ARHGAP15: variants seen among roughly 807,000 people sequenced by gnomAD.
The protein encoded by ARHGAP15 is rho GTPase-activating protein 15.
ARHGAP15 carries 51 observed loss-of-function variants against 63.7 expected under a neutral mutation model. The observed-to-expected ratio is 0.80, with a 90% CI of 0.64 to 1.01. The LOEUF (loss-of-function observed/expected upper bound fraction) is 1.01. Ranked by LOEUF, ARHGAP15 falls within the 50% of genes least tolerant of loss-of-function variation. ARHGAP15 has a pLI of 0.00. For missense variants in ARHGAP15, 560 were observed against 564.6 expected (o/e 0.99, Z 0.08); for synonymous variants, 191 against 193.8 (o/e 0.99, Z 0.12).
intron 6 of ARHGAP15, among the ~76,000 whole-genome samples, chr2:143,351,793 C>T (rs1364482837): frequency 3.3e-5 from 5 of 151,988 alleles, no homozygotes; most frequent in Admixed American, 6.6e-5. Context: ...TACTCTGGTA[C>T]CCTGGAGCTT....
chr2:143,408,530 T>A (rs1328965408), intron 6 of ARHGAP15, among the ~76,000 whole-genome samples: 5 of 151,762 alleles, frequency 3.3e-5, no homozygotes, highest in African/African-American at 1.2e-4. Flanking sequence ...TTTCCTAACA[T>A]CTGCTGTCTT....
intron 6 of ARHGAP15, among the ~76,000 whole-genome samples, chr2:143,410,910 A>G (rs775841438): frequency 6.6e-6 from 1 of 152,072 alleles, no homozygotes; most frequent in Non-Finnish European, 1.5e-5. Context: ...AAAAAACGAA[A>G]ATATCGTAGG....
chr2:143,405,192 A>C (rs1688147462), intron 6 of ARHGAP15, among the ~76,000 whole-genome samples: 1 of 151,922 alleles, frequency 6.6e-6, no homozygotes, highest in Non-Finnish European at 1.5e-5. Flanking sequence ...CATTTTATGA[A>C]GTATATTAAG....
At chr2:143,486,510 T>C (rs1014879357) in intron 8 of ARHGAP15, among the ~76,000 whole-genome samples, 4 of 151,604 alleles carry the variant, frequency 2.6e-5, no homozygotes, top group African/African-American at 9.7e-5. Context: ...GAGGCTGCAG[T>C]GAGCTATGAT....
intron 5 of ARHGAP15, among the ~76,000 whole-genome samples, chr2:143,246,189 C>T (rs1171924203): frequency 5.9e-5 from 9 of 151,766 alleles, no homozygotes; most frequent in Non-Finnish European, 8.8e-5. Context: ...AGCACTTGGC[C>T]GCTCTCTGCT....
intron 3 of ARHGAP15, among the ~76,000 whole-genome samples, chr2:143,205,375 A>G (rs532295361): frequency 4.0e-4 from 61 of 152,142 alleles, no homozygotes; most frequent in African/African-American, 1.3e-3. Context: ...ACCAGATGGC[A>G]TACTACAGCA....
chr2:143,412,495 C>A (rs1688490069), intron 6 of ARHGAP15, among the ~76,000 whole-genome samples: 1 of 152,116 alleles, frequency 6.6e-6, no homozygotes, highest in Non-Finnish European at 1.5e-5. Context: ...TGAGTGCTAT[C>A]TTTTCACAGG....
chr2:143,538,565 A>AT (rs1694887636), intron 10 of ARHGAP15, among the ~76,000 whole-genome samples: 1 of 152,152 alleles, frequency 6.6e-6, no homozygotes, highest in African/African-American at 2.4e-5. Flanking sequence ...TCAATACCTA[A>AT]TTTATTGAGA....
chr2:143,266,158 G>C (rs1680981792), intron 6 of ARHGAP15, among the ~76,000 whole-genome samples: 1 of 152,068 alleles, frequency 6.6e-6, no homozygotes, highest in African/African-American at 2.4e-5. Flanking sequence ...TTAGGAAACT[G>C]AATAACAGTC....
At chr2:143,704,707 G>C (rs1430695770) in intron 13 of ARHGAP15, among the ~76,000 whole-genome samples, 1 of 152,182 alleles carries the variant, frequency 6.6e-6, no homozygotes, top group Non-Finnish European at 1.5e-5. Flanking sequence ...TAAAATTGAA[G>C]CCTGACAGAG....
chr2:143,683,019 ATTTC>A (rs912025512), intron 12 of ARHGAP15: 7 of 152,286 alleles, frequency 4.6e-5, no homozygotes, highest in Middle Eastern at 3.4e-3. Context: ...TTAAAAAAAG[ATTTC>A]TTTAAGAAGA....
chr2:143,336,032 A>G (rs953033807), intron 6 of ARHGAP15, among the ~76,000 whole-genome samples: 1 of 152,030 alleles, frequency 6.6e-6, no homozygotes, highest in Admixed American at 6.6e-5. Flanking sequence ...CACGGTTCTC[A>G]CCATGTCACC....
chr2:143,706,394 A>C (rs1355511886), intron 13 of ARHGAP15: 1 of 152,184 alleles, frequency 6.6e-6, no homozygotes, highest in East Asian at 1.9e-4. Context: ...AAATTGTTGC[A>C]AATATATATA....
intron 2 of ARHGAP15, among the ~76,000 whole-genome samples, chr2:143,179,577 C>T (rs1035348001): frequency 6.6e-6 from 1 of 152,070 alleles, no homozygotes; most frequent in African/African-American, 2.4e-5. Flanking sequence ...ATTAAGAGAG[C>T]AATATCATTT....
intron 2 of ARHGAP15, among the ~76,000 whole-genome samples, chr2:143,186,845 G>A (rs1399889802): frequency 1.3e-5 from 2 of 152,182 alleles, no homozygotes; most frequent in East Asian, 3.8e-4. Context: ...TTCAGAATTG[G>A]ACTCCCTCTT....
At chr2:143,550,150 T>C (rs1322868392) in intron 10 of ARHGAP15, among the ~76,000 whole-genome samples, 2 of 152,212 alleles carry the variant, frequency 1.3e-5, no homozygotes, top group East Asian at 1.9e-4. Context: ...GAGAAATTTT[T>C]TTTTAATCCA....
At chr2:143,747,370 C>T (rs183139103) in intron 13 of ARHGAP15, among the ~76,000 whole-genome samples, 3 of 152,204 alleles carry the variant, frequency 2.0e-5, no homozygotes, top group African/African-American at 7.2e-5. Context: ...AACTTATGAG[C>T]CAATATTGAG....
chr2:143,366,369 G>A (rs1686292888), intron 6 of ARHGAP15, among the ~76,000 whole-genome samples: 1 of 152,034 alleles, frequency 6.6e-6, no homozygotes, highest in Non-Finnish European at 1.5e-5. Flanking sequence ...GCTATGGACA[G>A]CTAGATATTA....
At chr2:143,416,108 C>A (rs1221881742) in intron 6 of ARHGAP15, among the ~76,000 whole-genome samples, 1 of 151,176 alleles carries the variant, frequency 6.6e-6, no homozygotes, top group Non-Finnish European at 1.5e-5. Flanking sequence ...ACCACCTGTT[C>A]CCCAATAACC....
Sources: gnomAD v4.1 joint callset for allele counts (sites outside exome capture counted in the v4.1 genomes callset) on GRCh38, gnomAD v4.1.1 for gene constraint, MANE v1.5 for transcripts, NCBI Gene and HGNC (gene_info 2026-07-23, HGNC 2026-07-21) for gene names.